Variants in PKIB observed in about 807,000 individuals in gnomAD.
PKIB encodes the protein cAMP-dependent protein kinase inhibitor beta.
In PKIB, 2 loss-of-function variants were observed where a neutral mutation model predicts 4.5. That is an observed-to-expected ratio of 0.44 (90% CI 0.18 to 1.39). The LOEUF (loss-of-function observed/expected upper bound fraction) is 1.39. PKIB is among the 40% of genes most tolerant of loss of function. PKIB has a pLI of 0.27. For synonymous variants in PKIB, 38 were observed against 36.0 expected, an observed-to-expected ratio of 1.06 and a Z score of -0.20; for missense variants, 94 against 92.6, an observed-to-expected ratio of 1.02 and a Z score of -0.06.
chr6:122,591,558 T>A (rs1774022172), intron 3 of PKIB, among the ~76,000 whole-genome samples: 1 of 152,164 alleles, frequency 6.6e-6, no homozygotes, highest in Non-Finnish European at 1.5e-5. Flanking sequence ...TTTTGTATAT[T>A]AGACTTCATT....
intron 1 of PKIB, among the ~76,000 whole-genome samples, chr6:122,631,904 A>T (rs1474824061): frequency 6.6e-6 from 1 of 152,192 alleles, no homozygotes. Context: ...GGAAAAAGAT[A>T]CTTTATTTGA....
At chr6:122,491,887 G>C (rs1775943228) in intron 2 of PKIB, among the ~76,000 whole-genome samples, 1 of 152,106 alleles carries the variant, frequency 6.6e-6, no homozygotes, top group Non-Finnish European at 1.5e-5. Flanking sequence ...AAGCTACTCG[G>C]TAAAAATAAA....
At chr6:122,522,383 G>A (rs962832302) in intron 2 of PKIB, among the ~76,000 whole-genome samples, 2 of 152,134 alleles carry the variant, frequency 1.3e-5, no homozygotes, top group African/African-American at 4.8e-5. Flanking sequence ...CTTTCCAGGG[G>A]AGTGAATGGT....
At chr6:122,701,919 T>A (rs1360995610) in intron 3 of PKIB, among the ~76,000 whole-genome samples, 2 of 152,068 alleles carry the variant, frequency 1.3e-5, no homozygotes, top group African/African-American at 2.4e-5. Context: ...TAACCAGGAA[T>A]AGTATGAACA....
At chr6:122,656,040 G>A (rs1023320998) in intron 2 of PKIB, among the ~76,000 whole-genome samples, 1 of 151,972 alleles carries the variant, frequency 6.6e-6, no homozygotes, top group African/African-American at 2.4e-5. Flanking sequence ...ATGGTATTGT[G>A]AGTTTTGTTT....
chr6:122,698,623 A>G (rs550580588), intron 3 of PKIB, among the ~76,000 whole-genome samples: 2 of 152,188 alleles, frequency 1.3e-5, no homozygotes, highest in South Asian at 2.1e-4. Context: ...TCCAGGAGGC[A>G]TGAGATGAGG....
At chr6:122,632,622 G>A (rs1021235149) in intron 1 of PKIB, among the ~76,000 whole-genome samples, 1 of 152,026 alleles carries the variant, frequency 6.6e-6, no homozygotes, top group African/African-American at 2.4e-5. Flanking sequence ...CAAGTTGATT[G>A]GCTACCTATT....
chr6:122,513,684 G>A lies in PKIB; in HGVS notation c.-248+35745G>A, dbSNP rs77793170. Among the ~76,000 whole-genome samples the A allele has an allele frequency of 1.6e-3, 250 of 152,150 alleles. 1 individual carries two copies. The highest frequency in any genetic ancestry group is 5.5e-3 in the African/African-American group (228 of 41,504). ...TTATTGTCCCGATCTTTAGTTCCAC[G>A]TGGGCTCAATGTTTAGCTTCCAATT... On this transcript the variant is annotated intron_variant, in intron 2 of 6. Coordinates refer to the PKIB transcript ENST00000392491.
intron 2 of PKIB, among the ~76,000 whole-genome samples, chr6:122,496,858 A>C (rs567483999): frequency 1.2e-4 from 18 of 152,332 alleles, no homozygotes; most frequent in African/African-American, 4.3e-4. Flanking sequence ...TTATATCCAG[A>C]TGCAAGAAAT....
intron 2 of PKIB, among the ~76,000 whole-genome samples, chr6:122,662,386 G>A (rs552519807): frequency 1.2e-3 from 148 of 125,534 alleles, no homozygotes; most frequent in Non-Finnish European, 2.0e-3. Flanking sequence ...CACAATCTGG[G>A]CTCACTGCAA....
chr6:122,583,064 A>G (rs1773748340), intron 2 of PKIB, among the ~76,000 whole-genome samples: 1 of 151,994 alleles, frequency 6.6e-6, no homozygotes, highest in Non-Finnish European at 1.5e-5. Context: ...TTTATACCCC[A>G]AGTGTTTTCT....
At chr6:122,644,330 A>G (rs934847532) in intron 2 of PKIB, 1 of 152,226 alleles carries the variant, frequency 6.6e-6, no homozygotes, top group African/African-American at 2.4e-5. Context: ...AGCATGAGAC[A>G]GTGGAAGTCA....
At chr6:122,613,509 A>T (rs1466065278) in intron 1 of PKIB, among the ~76,000 whole-genome samples, 1 of 152,102 alleles carries the variant, frequency 6.6e-6, no homozygotes, top group Non-Finnish European at 1.5e-5. Context: ...CCATTAGTAC[A>T]TGTTCCTCTA....
At chr6:122,580,591 C>T (rs1436675597) in intron 2 of PKIB, among the ~76,000 whole-genome samples, 1 of 152,084 alleles carries the variant, frequency 6.6e-6, no homozygotes, top group Non-Finnish European at 1.5e-5. Context: ...GATTGTAAAG[C>T]CTCCCTGAAC....
At chr6:122,567,967 A>G (rs996210791) in intron 2 of PKIB, among the ~76,000 whole-genome samples, 3 of 152,188 alleles carry the variant, frequency 2.0e-5, no homozygotes, top group African/African-American at 7.2e-5. Context: ...ATATCACTCT[A>G]TGTCCTTTTT....
At chr6:122,520,661 T>TTCCTCCCC (rs1562237597) in intron 2 of PKIB, among the ~76,000 whole-genome samples, 1 of 55,546 alleles carries the variant, frequency 1.8e-5, no homozygotes, top group Non-Finnish European at 3.8e-5. Flanking sequence ...AAGTTTATGT[T>TTCCTCCCC]CCCACCCCCC....
chr6:122,690,915 G>GGT (rs1554232256), intron 3 of PKIB, among the ~76,000 whole-genome samples: 2 of 84,938 alleles, frequency 2.4e-5, no homozygotes, highest in African/African-American at 7.1e-5. Flanking sequence ...ATGCTTGAAG[G>GGT]ATATATATAT....
chr6:122,576,703 TATATA>T, intron 2 of PKIB, among the ~76,000 whole-genome samples: 1 of 113,528 alleles, frequency 8.8e-6, no homozygotes, highest in African/African-American at 3.6e-5. Context: ...TATATATATA[TATATA>T]TATTTTCTTT....
At chr6:122,572,547 C>T (rs528576493) in intron 2 of PKIB, among the ~76,000 whole-genome samples, 6 of 150,610 alleles carry the variant, frequency 4.0e-5, no homozygotes, top group African/African-American at 1.5e-4. Flanking sequence ...AATAGACAAC[C>T]TAATGTCACA....
Sources: gnomAD v4.1 joint callset for allele counts (sites outside exome capture counted in the v4.1 genomes callset) on GRCh38, gnomAD v4.1.1 for gene constraint, MANE v1.5 for transcripts, NCBI Gene and HGNC (gene_info 2026-07-23, HGNC 2026-07-21) for gene names.